Variants in TMEM260 observed in about 807,000 individuals in gnomAD.
The protein encoded by TMEM260 is transmembrane protein 260, also known as protein O-mannosyl-transferase TMEM260.
Under a neutral mutation model 88.9 loss-of-function variants are expected in TMEM260, and 82 were observed. The observed-to-expected ratio is 0.92, with a 90% CI of 0.77 to 1.11. TMEM260 has a LOEUF of 1.11. Among genes scored for constraint, TMEM260 ranks in the 50% least tolerant of loss-of-function variants. TMEM260 has a pLI of 0.00. For synonymous variants in TMEM260, 314 were observed against 309.3 expected, an observed-to-expected ratio of 1.02 and a Z score of -0.16; for missense variants, 902 against 853.4, an observed-to-expected ratio of 1.06 and a Z score of -0.71.
chr14:56,597,710 T>G (rs1159602377), intron 3 of TMEM260, among the ~76,000 whole-genome samples: 1 of 151,948 alleles, frequency 6.6e-6, no homozygotes, highest in Non-Finnish European at 1.5e-5. Flanking sequence ...TTGGTTTGAG[T>G]CTGAGGTGAT....
rs1236278053 is a variant in TMEM260 at position 56,609,122 on chromosome 14, C to G, written c.653C>G (p.Ser218Cys). 1 of 1,614,126 alleles carries G rather than the reference C, an allele frequency of 6.2e-7. No individual in the cohort carries two copies. Residue 218 changes from serine (S) to cysteine (C), a missense_variant, in exon 6 of 16, where the codon TCT (serine) becomes TGT (cysteine). Ser to Cys is a moderately radical substitution (Grantham distance 112). Transcript: ENST00000261556. Reference sequence around the variant, plus strand: ...CTGATGCAGGAACTCTCCCTGGGCTCTTTGTTGAAGTTGAGCCTGTACTTC... The same window carrying G: ...CTGATGCAGGAACTCTCCCTGGGCTGTTTGTTGAAGTTGAGCCTGTACTTC... The part of the protein sequence containing the change: ...LLKKKELSLG[S>C]LLKLSLYFSA...
At chr14:56,627,351 A>G (rs1888303116) in intron 12 of TMEM260, among the ~76,000 whole-genome samples, 1 of 152,188 alleles carries the variant, frequency 6.6e-6, no homozygotes, top group African/African-American at 2.4e-5. Context: ...CATATTTTTT[A>G]CAAAGGTGAA....
chr14:56,621,822 T>A (rs1244810528), intron 11 of TMEM260, 120 bp downstream of exon 11: 2 of 725,634 alleles, frequency 2.8e-6, no homozygotes, highest in Admixed American at 7.0e-5. Flanking sequence ...TTAGGTAGAA[T>A]ATATATGACA....
intron 14 of TMEM260, 43 bp from the exon 15 acceptor site, chr14:56,636,463 AAT>A (rs1247669457): frequency 1.3e-6 from 2 of 1,483,732 alleles, no homozygotes; most frequent in Admixed American, 3.3e-5. Context: ...CTGAATGTGC[AAT>A]TGACTGTATG....
intron 7 of TMEM260, chr14:56,612,699 CTT>C (rs375397623): frequency 0.12 from 16,492 of 139,098 alleles, 1,388 homozygotes; most frequent in African/African-American, 0.25. Context: ...TTTTCCCCAA[CTT>C]TTTTTTTTTT....
At chr14:56,601,203 A>G (rs1482677723) in intron 3 of TMEM260, among the ~76,000 whole-genome samples, 1 of 152,172 alleles carries the variant, frequency 6.6e-6, no homozygotes, top group Non-Finnish European at 1.5e-5. Context: ...CATAATTCTA[A>G]TATTTAATGT....
At chr14:56,650,314 T>G (rs1890180741), downstream of TMEM260, 1 of 288,594 alleles carries the variant, frequency 3.5e-6, no homozygotes, top group Non-Finnish European at 6.9e-6. Context: ...GTCAGGGCCC[T>G]GCCGCCCTGG....
chr14:56,613,943 C>T (rs1052652413), intron 7 of TMEM260: 1 of 150,678 alleles, frequency 6.6e-6, no homozygotes, highest in African/African-American at 2.4e-5. Context: ...TGCCCTGTCA[C>T]CCAGGCTGGA....
chr14:56,636,447 C>A, intron 14 of TMEM260, 61 bp from the exon 15 acceptor site: 2 of 1,335,742 alleles, frequency 1.5e-6, no homozygotes, highest in Non-Finnish European at 2.2e-6. Flanking sequence ...GAAGATTTAG[C>A]TAGCCCTGAA....
At chr14:56,581,045 G>T (rs1194852735) in intron 1 of TMEM260, among the ~76,000 whole-genome samples, 2 of 152,202 alleles carry the variant, frequency 1.3e-5, no homozygotes, top group East Asian at 3.8e-4. Context: ...TGGGGCTGCG[G>T]TCTTCTCAAG....
chr14:56,581,118 C>G (rs1308562960), intron 1 of TMEM260, among the ~76,000 whole-genome samples: 2 of 152,180 alleles, frequency 1.3e-5, no homozygotes, highest in Non-Finnish European at 2.9e-5. Context: ...AGTTAACTGA[C>G]TTCTGTCAAG....
chr14:56,639,917 G>C (rs959367443), intron 15 of TMEM260, among the ~76,000 whole-genome samples: 1 of 152,190 alleles, frequency 6.6e-6, no homozygotes, highest in Non-Finnish European at 1.5e-5. Context: ...AAACTGCAAG[G>C]TGGCAGCAAG....
intron 3 of TMEM260, among the ~76,000 whole-genome samples, chr14:56,598,281 A>T (rs1391713816): frequency 2.0e-5 from 3 of 152,168 alleles, no homozygotes; most frequent in Non-Finnish European, 4.4e-5. Context: ...AAAAAGGAAA[A>T]CCAGGGGGAT....
intron 9 of TMEM260, among the ~76,000 whole-genome samples, chr14:56,617,829 TA>T (rs957132840): frequency 2.0e-5 from 3 of 152,292 alleles, no homozygotes; most frequent in East Asian, 1.9e-4. Flanking sequence ...TCAGGAAGCC[TA>T]ATAAATAATA....
At position 56,585,855 on chromosome 14, in the gene TMEM260, T is replaced by A; in HGVS notation, c.287T>A (p.Leu96His). 1 of 1,613,626 alleles carries A rather than the reference T, an allele frequency of 6.2e-7. No individual in the cohort carries two copies. The highest frequency in any genetic ancestry group is 8.5e-7 in the Non-Finnish European group (1 of 1,179,716). Residue 96 changes from leucine (L) to histidine (H), a missense_variant, in exon 3 of 16, where the codon CTT becomes CAT. Transcript: ENST00000261556. ...PFGSIAYRVN[L>H]LCGLFGAVAA... is the part of the protein sequence containing the mutation. ...GGTTCAATTGCCTACCGCGTCAATC[T>A]TCTCTGTGGCTTATTTGGAGCAGTA...
At chr14:56,602,301 A>T (rs987047229) in intron 3 of TMEM260, among the ~76,000 whole-genome samples, 2 of 152,170 alleles carry the variant, frequency 1.3e-5, no homozygotes, top group African/African-American at 4.8e-5. Flanking sequence ...ATTCAGGGGT[A>T]CAGAATGAGC....
At chr14:56,617,694 C>T (rs887087727) in intron 9 of TMEM260, among the ~76,000 whole-genome samples, 4 of 151,992 alleles carry the variant, frequency 2.6e-5, no homozygotes, top group African/African-American at 7.2e-5. Context: ...AAAGAGCAAC[C>T]GTATTTCTGT....
intron 4 of TMEM260, among the ~76,000 whole-genome samples, chr14:56,604,445 G>A (rs991381536): frequency 6.6e-5 from 10 of 152,134 alleles, no homozygotes; most frequent in African/African-American, 2.4e-4. Flanking sequence ...TAGTTCAGAA[G>A]AGATTACAAT....
chr14:56,591,509 A>C (rs1472549907), intron 3 of TMEM260, among the ~76,000 whole-genome samples: 1 of 152,226 alleles, frequency 6.6e-6, no homozygotes, highest in African/African-American at 2.4e-5. Context: ...CTAAGTTTTC[A>C]GTTAGAAAGG....
Sources: allele counts gnomAD v4.1 joint callset (sites outside exome capture counted in the v4.1 genomes callset), GRCh38; gene constraint gnomAD v4.1.1; transcripts MANE v1.5; gene names NCBI Gene and HGNC (gene_info 2026-07-23, HGNC 2026-07-21).